PKIG: variants seen among roughly 807,000 people sequenced by gnomAD.
The protein encoded by PKIG is protein kinase (cAMP-dependent, catalytic) inhibitor gamma.
PKIG carries 1 observed loss-of-function variant against 6.8 expected under a neutral mutation model. The observed-to-expected ratio is 0.15, with a 90% CI of 0.05 to 0.69. The LOEUF (loss-of-function observed/expected upper bound fraction) is 0.69. PKIG is among the 30% of genes least tolerant of loss of function. PKIG has a pLI of 0.82. For missense variants in PKIG, 77 were observed against 104.0 expected (o/e 0.74, Z 1.13); for synonymous variants, 39 against 43.0 (o/e 0.91, Z 0.36).
chr20:44,611,492 A>G (rs1600902140), intron 2 of PKIG, among the ~76,000 whole-genome samples: 2 of 147,556 alleles, frequency 1.4e-5, no homozygotes, highest in South Asian at 2.2e-4. Flanking sequence ...TCTGGTAACC[A>G]CTGTTGTATT....
At chr20:44,603,819 G>C (rs535598622) in intron 2 of PKIG, among the ~76,000 whole-genome samples, 1 of 152,300 alleles carries the variant, frequency 6.6e-6, no homozygotes, top group Admixed American at 6.5e-5. Flanking sequence ...TAAAGGTTTA[G>C]AACTCAGGAG....
At chr20:44,602,214 T>A (rs1034505217) in intron 2 of PKIG, among the ~76,000 whole-genome samples, 4 of 152,216 alleles carry the variant, frequency 2.6e-5, no homozygotes, top group Admixed American at 2.6e-4. Flanking sequence ...TCTAGATTGT[T>A]TTTAGACTCA....
chr20:44,572,720 T>C (rs917517512), intron 1 of PKIG, among the ~76,000 whole-genome samples: 3 of 152,168 alleles, frequency 2.0e-5, no homozygotes, highest in Non-Finnish European at 4.4e-5. Context: ...AACTGCTGCT[T>C]GGCCATTGTT....
At chr20:44,557,916 A>G (rs540329057) in intron 1 of PKIG, among the ~76,000 whole-genome samples, 4 of 152,244 alleles carry the variant, frequency 2.6e-5, no homozygotes, top group South Asian at 4.1e-4. Flanking sequence ...AGGCTTTTCC[A>G]TGTCTGAGAA....
At chr20:44,601,393 G>GC (rs746730793) in intron 2 of PKIG, among the ~76,000 whole-genome samples, 1 of 152,234 alleles carries the variant, frequency 6.6e-6, no homozygotes, top group Non-Finnish European at 1.5e-5. Flanking sequence ...TGCTGGATGT[G>GC]CCCCAAGGCG....
At chr20:44,602,924 G>A (rs1021563234) in intron 2 of PKIG, among the ~76,000 whole-genome samples, 1 of 152,056 alleles carries the variant, frequency 6.6e-6, no homozygotes, top group African/African-American at 2.4e-5. Context: ...AGCTGAGAGA[G>A]AAGGGGACTC....
Position 44,618,628 on chromosome 20 carries a change from A to G in PKIG, c.*264A>G. 2.6e-6 allele frequency: 1 copy of G among 388,162 alleles called. No homozygotes were observed. The highest frequency in any genetic ancestry group is 4.9e-6 in the Non-Finnish European group (1 of 204,564). 24.0% of individuals were successfully genotyped at this position (388,162 alleles called of 1,614,324 possible). On this transcript the variant is annotated 3_prime_UTR_variant, in exon 4 of 4. Transcript: ENST00000372886. ...TGTAACCACAAGATGTTATTTATTG[A>G]GCTGGCGCCGGGACTTGGGCGGGGC...
At chr20:44,611,673 C>T (rs377228662) in intron 2 of PKIG, among the ~76,000 whole-genome samples, 14 of 152,012 alleles carry the variant, frequency 9.2e-5, no homozygotes, top group African/African-American at 3.1e-4. Context: ...CCTGCCACCA[C>T]GCCTGGCTAA....
chr20:44,558,573 T>TTTTTCTTTCTTTCTTTC (rs2064736315), intron 1 of PKIG, among the ~76,000 whole-genome samples: 1 of 123,942 alleles, frequency 8.1e-6, no homozygotes, highest in African/African-American at 3.6e-5. Context: ...CTTTTTTTCT[T>TTTTTCTTTCTTTCTTTC]TTTTCTTTCT....
chr20:44,607,377 ATTTTTTT>A (rs59226646), intron 2 of PKIG, among the ~76,000 whole-genome samples: 147 of 94,226 alleles, frequency 1.6e-3, no homozygotes, highest in Non-Finnish European at 2.3e-3. Context: ...ATATATATAT[ATTTTTTT>A]TTTTTTTTTT....
chr20:44,563,506 T>A (rs971772564), intron 1 of PKIG, among the ~76,000 whole-genome samples: 5 of 152,100 alleles, frequency 3.3e-5, no homozygotes, highest in Non-Finnish European at 7.4e-5. Context: ...GCCCTTGGCT[T>A]GTTGATCTTT....
intron 1 of PKIG, among the ~76,000 whole-genome samples, chr20:44,573,370 T>C (rs1307404143): frequency 1.3e-5 from 2 of 152,258 alleles, no homozygotes; most frequent in Non-Finnish European, 2.9e-5. Context: ...TTATGACTAA[T>C]TTAACATTTT....
At chr20:44,534,085 G>A (rs137914402) in intron 1 of PKIG, among the ~76,000 whole-genome samples, 43 of 152,268 alleles carry the variant, frequency 2.8e-4, no homozygotes, top group African/African-American at 1.0e-3. Flanking sequence ...GGCTGCGAAG[G>A]GAGGTAGAGA....
At chr20:44,589,382 G>C (rs1786013516) in intron 1 of PKIG, among the ~76,000 whole-genome samples, 1 of 152,014 alleles carries the variant, frequency 6.6e-6, no homozygotes, top group African/African-American at 2.4e-5. Context: ...ATTAAAAAAT[G>C]ATAATATATG....
chr20:44,578,732 TC>T (rs1479345206), upstream of PKIG, among the ~76,000 whole-genome samples: 1 of 152,212 alleles, frequency 6.6e-6, no homozygotes, highest in East Asian at 1.9e-4. Context: ...CCTCAGGTAT[TC>T]CTTTATAGCA....
intron 1 of PKIG, among the ~76,000 whole-genome samples, chr20:44,534,757 C>A (rs903290228): frequency 2.0e-5 from 3 of 152,210 alleles, no homozygotes; most frequent in African/African-American, 7.2e-5. Context: ...GCATGAGCCA[C>A]TGCGCCCGGC....
At chr20:44,581,086 G>A (rs1312822558), upstream of PKIG, among the ~76,000 whole-genome samples, 2 of 152,164 alleles carry the variant, frequency 1.3e-5, no homozygotes, top group African/African-American at 4.8e-5. Context: ...CATGTGTGTG[G>A]CATGTGTGCT....
intron 1 of PKIG, among the ~76,000 whole-genome samples, chr20:44,561,053 A>AC (rs2064762689): frequency 6.6e-6 from 1 of 152,230 alleles, no homozygotes; most frequent in Admixed American, 6.5e-5. Flanking sequence ...AAACGTCACA[A>AC]TGGGCCGGGT....
chr20:44,570,752 A>G, intron 1 of PKIG, among the ~76,000 whole-genome samples: 1 of 152,216 alleles, frequency 6.6e-6, no homozygotes, highest in South Asian at 2.1e-4. Flanking sequence ...AAATGAATGA[A>G]CAACAAAAAA....
Sources: gnomAD v4.1 joint callset for allele counts (sites outside exome capture counted in the v4.1 genomes callset) on GRCh38, gnomAD v4.1.1 for gene constraint, MANE v1.5 for transcripts, NCBI Gene and HGNC (gene_info 2026-07-23, HGNC 2026-07-21) for gene names.